ITPR3: variants seen among roughly 807,000 people sequenced by gnomAD.
The protein encoded by ITPR3 is inositol 1,4,5-trisphosphate-gated calcium channel ITPR3.
ITPR3 carries 173 observed loss-of-function variants against 293.2 expected under a neutral mutation model. That is an observed-to-expected ratio of 0.59 (90% CI 0.52 to 0.67). ITPR3 has a LOEUF of 0.67. Ranked by LOEUF, ITPR3 falls within the 30% of genes least tolerant of loss-of-function variation. ITPR3 has a pLI of 0.00. For missense variants in ITPR3, 2,796 were observed against 3,592.1 expected, an observed-to-expected ratio of 0.78 and a Z score of 5.66; for synonymous variants, 1,295 against 1,444.4, an observed-to-expected ratio of 0.90 and a Z score of 2.35.
chr6:33,690,841 T>C, intron 51 of ITPR3, 76 bp from the exon 52 acceptor site: 1 of 1,367,100 alleles, frequency 7.3e-7, no homozygotes, highest in Non-Finnish European at 1.0e-6. Context: ...GCCCTCAGGG[T>C]TCCAGTGGCA....
rs751171545 is a variant in ITPR3, at chr6:33,678,598, CG to C, written c.3772-37del. 6 of 1,100,340 alleles carry C rather than the reference CG, an allele frequency of 5.5e-6. No homozygotes were observed. The Admixed American group carries it at 1.2e-4, about 21-fold the overall frequency. The allele number at this position is 1,100,340 out of a possible 1,614,324, so 68.2% of individuals were successfully genotyped here. ...CGAGGCGGGGGATGGGGGGTGGGGGCGGGGCCCAGATCTCTTTCTGACAGAT... is the reference window on the plus strand; with the variant it reads ...CGAGGCGGGGGATGGGGGGTGGGGGCGGGCCCAGATCTCTTTCTGACAGAT... On this transcript the variant is annotated intron_variant, in intron 29 of 57. Transcript: ENST00000605930.
chr6:33,678,487 A>T lies in ITPR3; in HGVS notation c.3715A>T (p.Asn1239Tyr). 6.2e-7 allele frequency: 1 copy of T among 1,613,166 alleles called. No individual in the cohort carries two copies. The highest frequency in any genetic ancestry group is 8.5e-7 in the Non-Finnish European group (1 of 1,179,864). ...GTTCCTGCAGAAGTTCTGTGCAGGG[A>T]ACCCCGGCAACCAGGCCCTGCTGCA... ...HQFLQKFCAG[N>Y]PGNQALLHKH... The change falls in exon 29 of 58, where the codon AAC (asparagine) becomes TAC (tyrosine). Residue 1239 changes from asparagine to tyrosine, a missense_variant. Physicochemically the swap from Asn to Tyr is moderately radical, Grantham distance 143. This residue lies in a region of ITPR3 where 344 missense variants were observed against 460.3 expected (regional missense o/e 0.75). Transcript: ENST00000605930.
Position 33,687,178 on chromosome 6 carries a change from C to T in ITPR3, c.6076-48C>T. On this transcript the variant is annotated intron_variant, in intron 44 of 57. Coordinates refer to ENST00000605930, the MANE Select transcript of ITPR3 (RefSeq NM_002224.4). The surrounding 1 kb of genome is among the most constrained non-coding windows in gnomAD (Gnocchi z 5.3). ...GGGATGGGGATGAGGGCCCGGCTGG[C>T]CCTACCGCCCTAGGAAGAGAGCATT... 2 of 1,593,074 alleles carry T rather than the reference C, an allele frequency of 1.3e-6. No individual in the cohort carries two copies. Among genetic ancestry groups the T allele is most frequent in the Non-Finnish European group, 1.7e-6 (2 of 1,161,974 alleles).
chr6:33,693,778 C>T (rs1765460608), intron 56 of ITPR3, 73 bp downstream of exon 56: 2 of 1,542,998 alleles, frequency 1.3e-6, no homozygotes, highest in Non-Finnish European at 1.8e-6. Context: ...GCACCAGAGG[C>T]CTCATGGTTT....
intron 7 of ITPR3, among the ~76,000 whole-genome samples, chr6:33,660,744 C>T (rs997326607): frequency 1.3e-5 from 2 of 152,134 alleles, no homozygotes; most frequent in Admixed American, 6.5e-5. Context: ...GCCTGGCCAA[C>T]GTGGAGAAAG....
chr6:33,640,579 C>T (rs763581822), intron 2 of ITPR3, 25 bp downstream of exon 2: 16 of 1,584,108 alleles, frequency 1.0e-5, no homozygotes, highest in Non-Finnish European at 1.4e-5. Context: ...TCCTCTGCCC[C>T]CGCCCCTCCC....
At chr6:33,660,959 CAAAT>C (rs148970362) in intron 7 of ITPR3, among the ~76,000 whole-genome samples, 9,408 of 151,854 alleles carry the variant, frequency 0.062, 882 homozygotes, top group African/African-American at 0.21. Context: ...AACAAACAAA[CAAAT>C]AAATAAAATG....
chr6:33,680,981 C>T (rs1582155157), intron 33 of ITPR3, among the ~76,000 whole-genome samples: 1 of 152,106 alleles, frequency 6.6e-6, no homozygotes, highest in East Asian at 1.9e-4. Context: ...CCACCACGCC[C>T]AGCTAATTTT....
rs200489534 is a variant in ITPR3 at position 33,640,565 on chromosome 6, C to T, written c.160+11C>T. On this transcript the variant is annotated intron_variant, in intron 2 of 57. Transcript: ENST00000605930. Reference sequence around the variant, plus strand: ...CTAAGAAGTTCCGTGGTAAGACCTCCGCTTCCTCTGCCCCCGCCCCTCCCA... The same window carrying T: ...CTAAGAAGTTCCGTGGTAAGACCTCTGCTTCCTCTGCCCCCGCCCCTCCCA... 95 of 1,605,676 alleles carry T rather than the reference C, an allele frequency of 5.9e-5. No homozygotes were observed. The highest frequency in any genetic ancestry group is 3.2e-4 in the African/African-American group (24 of 74,782).
Position 33,663,855 on chromosome 6 carries a change from C to T in ITPR3, c.1123C>T (p.Gln375Ter), listed in dbSNP as rs1174474758. 1 of 1,614,188 alleles carries T rather than the reference C, an allele frequency of 6.2e-7. No homozygotes were observed. The highest frequency in any genetic ancestry group is 8.5e-7 in the Non-Finnish European group (1 of 1,180,024). ...SLFELDPTTL[Q>*]KTDSFVPRNS... ...CTTTGAGCTGGACCCCACCACCTTGCAGAAAACCGACTCTTTCGTGCCCCG... is the reference window on the plus strand; with the variant it reads ...CTTTGAGCTGGACCCCACCACCTTGTAGAAAACCGACTCTTTCGTGCCCCG... The change falls in exon 11 of 58, where the codon CAG (glutamine) becomes TAG (stop). Residue 375 changes from glutamine to a stop codon, truncating the protein, a stop_gained. Coordinates refer to ENST00000605930, the MANE Select transcript of ITPR3 (RefSeq NM_002224.4). LOFTEE classifies it high-confidence loss of function.
In ITPR3 at chr6:33,666,634, A is replaced by G. The variant is rs962002107; in HGVS notation, c.1552-495A>G. Among the ~76,000 whole-genome samples the G allele has an allele frequency of 4.6e-5, 7 of 151,752 alleles. No homozygotes were observed. Among genetic ancestry groups the G allele is most frequent in the African/African-American group, 1.5e-4 (6 of 41,282 alleles). ...TTTTTTTTTTAGAAACGAGGATCCA[A>G]TTAAGGTTTTTTCATTCCATTCTGT... On this transcript the variant is annotated intron_variant, in intron 14 of 57. Coordinates refer to ENST00000605930, the MANE Select transcript of ITPR3 (RefSeq NM_002224.4). The surrounding 1 kb of genome is among the most constrained non-coding windows in gnomAD (Gnocchi z 5.1).
rs891170042 is a variant in ITPR3, at chr6:33,678,660, C to G, written c.3793C>G (p.Gln1265Glu). The G allele has an allele frequency of 5.0e-6, 8 of 1,612,714 alleles. No homozygotes were observed. The highest frequency in any genetic ancestry group is 4.5e-5 in the East Asian group (2 of 44,872). ...TPGLLEAETM[Q>E]HIFLNNYQLC... ...GCAGCTCCTGGAGGCAGAGACCATG[C>G]AGCACATCTTCCTGAACAACTATCA... The change falls in exon 30 of 58, where the codon CAG becomes GAG. Residue 1265 changes from glutamine to glutamate, a missense_variant. By Grantham distance (29) the Gln-to-Glu change is conservative (BLOSUM62 2). Transcript: ENST00000605930.
At chr6:33,678,019 G>A (rs1248100982) in intron 28 of ITPR3, among the ~76,000 whole-genome samples, 1 of 151,940 alleles carries the variant, frequency 6.6e-6, no homozygotes, top group Non-Finnish European at 1.5e-5. Flanking sequence ...TGACATCAAT[G>A]CTGGCCTTGT....
In ITPR3 at chr6:33,621,584, G is replaced by T; in HGVS notation, c.-19G>T. ...CCCCTAGGCGCCCCCCACGCCCTGG[G>T]CCCCGGAGGGCCGCAGCCATGAGTG... On this transcript the variant is annotated 5_prime_UTR_variant, in exon 1 of 58. Coordinates refer to ENST00000605930, the MANE Select transcript of ITPR3 (RefSeq NM_002224.4). The surrounding 1 kb of genome is among the most constrained non-coding windows in gnomAD (Gnocchi z 7.7). 2 of 1,569,994 alleles carry T rather than the reference G, an allele frequency of 1.3e-6. No homozygotes were observed. The highest frequency in any genetic ancestry group is 1.7e-6 in the Non-Finnish European group (2 of 1,155,848).
intron 18 of ITPR3, among the ~76,000 whole-genome samples, chr6:33,669,474 G>A (rs1443892298): frequency 6.6e-6 from 1 of 152,238 alleles, no homozygotes; most frequent in Non-Finnish European, 1.5e-5. Flanking sequence ...GTGCACACCT[G>A]TAGTCCCAGC....
rs376573493 is a variant in ITPR3 at position 33,658,637 on chromosome 6, C to T, written c.370-33C>T. 71 of 1,609,988 alleles carry T rather than the reference C, an allele frequency of 4.4e-5. No homozygotes were observed. Among genetic ancestry groups the T allele is most frequent in the African/African-American group, 6.7e-5 (5 of 74,864 alleles). ...CCCTAATGGGCCGACTCCTGTGGCG[C>T]GGTGACCTTCCCGCACCCCACCTGA... On this transcript the variant is annotated intron_variant, in intron 4 of 57. Coordinates refer to ENST00000605930, the MANE Select transcript of ITPR3 (RefSeq NM_002224.4). This position sits in a 1 kb window ranked among gnomAD's most constrained non-coding sequence, Gnocchi z 6.1.
Position 33,667,377 on chromosome 6 carries a change from C to T in ITPR3, c.1713+87C>T. On this transcript the variant is annotated intron_variant, in intron 15 of 57. Transcript: ENST00000605930. This position sits in a 1 kb window ranked among gnomAD's most constrained non-coding sequence, Gnocchi z 4.4. The stretch of plus-strand genomic sequence containing the variant: ...CCTCAGGCACATGTGCTGTGCCAGG[C>T]ACTGTTTTGGGGCCTAGGGTCCAGT... 1 of 1,489,720 alleles carries T rather than the reference C, an allele frequency of 6.7e-7. No individual in the cohort carries two copies. The allele number at this position is 1,489,720 out of a possible 1,614,324, so 92.3% of individuals were successfully genotyped here. A position where few individuals can be genotyped will look rare whatever the true frequency, so the allele number is the denominator to read the frequency against.
chr6:33,689,996 G>A (rs760616429), intron 50 of ITPR3, 38 bp from the exon 51 acceptor site: 1 of 1,612,356 alleles, frequency 6.2e-7, no homozygotes, highest in African/African-American at 1.3e-5. Flanking sequence ...AGCATAGGTG[G>A]TAGGGTGCTG....
intron 55 of ITPR3, among the ~76,000 whole-genome samples, chr6:33,693,296 A>G (rs1408451838): frequency 6.6e-6 from 1 of 152,176 alleles, no homozygotes; most frequent in Non-Finnish European, 1.5e-5. Context: ...AGTTCGAGAA[A>G]TTCTCGCGTT....
Sources: gnomAD v4.1 joint callset for allele counts (sites outside exome capture counted in the v4.1 genomes callset) on GRCh38, gnomAD v4.1.1 for gene constraint, gnomAD v4.1.1 regional missense constraint, Gnocchi (gnomAD v3.1) non-coding constraint, MANE v1.5 for transcripts, NCBI Gene and HGNC (gene_info 2026-07-23, HGNC 2026-07-21) for gene names.